Variants in ARHGEF10L observed in about 807,000 individuals in gnomAD.
ARHGEF10L encodes rho guanine nucleotide exchange factor 10-like protein.
Under a neutral mutation model 141.2 loss-of-function variants are expected in ARHGEF10L, and 69 were observed. The observed-to-expected ratio is 0.49, with a 90% CI of 0.40 to 0.60. The LOEUF is 0.60. Ranked by LOEUF, ARHGEF10L falls within the 20% of genes least tolerant of loss-of-function variation. ARHGEF10L has a pLI of 0.00. For synonymous variants in ARHGEF10L, 711 were observed against 718.5 expected, an observed-to-expected ratio of 0.99 and a Z score of 0.17; for missense variants, 1,482 against 1,734.3, an observed-to-expected ratio of 0.85 and a Z score of 2.58.
At chr1:17,618,496 C>T in intron 9 of ARHGEF10L, 2 of 1,455,944 alleles carry the variant, frequency 1.4e-6, no homozygotes, top group Non-Finnish European at 1.8e-6. Flanking sequence ...TGTCCCTCCT[C>T]CTCCTCCTCC....
intron 27 of ARHGEF10L, chr1:17,691,072 T>G: frequency 2.2e-6 from 1 of 449,066 alleles, no homozygotes; most frequent in Non-Finnish European, 4.4e-6. Flanking sequence ...CATACTCGAC[T>G]GGTATTAATG....
chr1:17,582,661 G>A lies in ARHGEF10L; in HGVS notation c.37+2029G>A, dbSNP rs75202931. 5.5e-3 allele frequency among the ~76,000 whole-genome samples: 844 copies of A among 152,312 alleles called. 6 individuals carry two copies. The highest frequency in any genetic ancestry group is 0.019 in the African/African-American group (804 of 41,578). ...GCCTTTTCTCATCCTTTAAGGCTCA[G>A]TGCGAGGGCAGCCTCATCCTCGGAG... On this transcript the variant is annotated intron_variant, in intron 2 of 28. Coordinates refer to ENST00000361221, the MANE Select transcript of ARHGEF10L (RefSeq NM_018125.4).
At chr1:17,610,409 G>A (rs1316798203) in intron 7 of ARHGEF10L, among the ~76,000 whole-genome samples, 5 of 152,200 alleles carry the variant, frequency 3.3e-5, no homozygotes, top group African/African-American at 1.2e-4. Context: ...TTCCTCAGCA[G>A]AAAAACTATG....
chr1:17,618,258 C>T, intron 9 of ARHGEF10L: 2 of 1,185,206 alleles, frequency 1.7e-6, no homozygotes, highest in Admixed American at 5.7e-5. Context: ...CCTCAGCCCT[C>T]CCCACCCCGC....
intron 11 of ARHGEF10L, 136 bp downstream of exon 11, chr1:17,622,077 G>T: frequency 2.4e-6 from 2 of 821,462 alleles, no homozygotes; most frequent in South Asian, 1.6e-5. Context: ...GCTTTATGGG[G>T]ACAGTAGAAC....
At chr1:17,695,410 A>T in intron 28 of ARHGEF10L, 130 bp downstream of exon 28, 2 of 1,294,588 alleles carry the variant, frequency 1.5e-6, no homozygotes, top group Middle Eastern at 2.8e-4. Context: ...GCTTCCTCTC[A>T]TCTCAGGTGG....
chr1:17,647,283 C>T (rs2061661163), intron 21 of ARHGEF10L, among the ~76,000 whole-genome samples: 1 of 152,160 alleles, frequency 6.6e-6, no homozygotes, highest in Admixed American at 6.5e-5. Context: ...TCCCTGAGTG[C>T]CAGTGTCATC....
chr1:17,588,750 A>G (rs1340086450), intron 4 of ARHGEF10L, among the ~76,000 whole-genome samples: 1 of 151,362 alleles, frequency 6.6e-6, no homozygotes, highest in African/African-American at 2.4e-5. Context: ...AGTCACAGAA[A>G]CTCTCCAAGT....
chr1:17,574,796 G>A (rs1452076593), intron 1 of ARHGEF10L, among the ~76,000 whole-genome samples: 2 of 152,224 alleles, frequency 1.3e-5, no homozygotes, highest in Non-Finnish European at 2.9e-5. Context: ...TGCCCTGCGT[G>A]GGGGAGCCGT....
At chr1:17,530,044 G>T in the ARHGEF10L span, among the ~76,000 whole-genome samples, 2 of 152,020 alleles carry the variant, frequency 1.3e-5, no homozygotes, top group African/African-American at 2.4e-5. Context: ...TGTTGGCCAG[G>T]CTGGTCTTGA....
At position 17,654,219 on chromosome 1, in the gene ARHGEF10L, A is replaced by C. The variant is rs2062096183; in HGVS notation, c.2395-417A>C. On this transcript the variant is annotated intron_variant, in intron 22 of 28. Coordinates refer to ENST00000361221, the MANE Select transcript of ARHGEF10L (RefSeq NM_018125.4). The surrounding 1 kb of genome is among the most constrained non-coding windows in gnomAD (Gnocchi z 4.3). ...TACTGGTGACAGCGGTGACAGGCTG[A>C]GCCCTGGTTTCTGTGCGTGGCCCTC... Among the ~76,000 whole-genome samples, 1 of 152,158 alleles carries C rather than the reference A, an allele frequency of 6.6e-6. No individual in the cohort carries two copies. Among genetic ancestry groups the C allele is most frequent in the Non-Finnish European group, 1.5e-5 (1 of 68,016 alleles).
intron 8 of ARHGEF10L, among the ~76,000 whole-genome samples, chr1:17,613,869 C>T (rs2059668152): frequency 6.6e-6 from 1 of 152,234 alleles, no homozygotes; most frequent in African/African-American, 2.4e-5. Context: ...CTCTCTGAGC[C>T]TCGGTTTCCC....
intron 25 of ARHGEF10L, among the ~76,000 whole-genome samples, chr1:17,663,180 G>T (rs2062741344): frequency 6.6e-6 from 1 of 152,202 alleles, no homozygotes; most frequent in Non-Finnish European, 1.5e-5. Context: ...CCCAGGGGAG[G>T]GGAGGACCTT....
At chr1:17,538,384 G>A (rs1010307861), upstream of ARHGEF10L, among the ~76,000 whole-genome samples, 10 of 152,318 alleles carry the variant, frequency 6.6e-5, no homozygotes, top group African/African-American at 2.4e-4. Flanking sequence ...CTGGAACAGA[G>A]CAAAAATGCT....
At chr1:17,682,324 T>C (rs2064186132) in intron 26 of ARHGEF10L, among the ~76,000 whole-genome samples, 2 of 152,164 alleles carry the variant, frequency 1.3e-5, no homozygotes, top group Non-Finnish European at 2.9e-5. Context: ...CGGACTCTCT[T>C]CTCTCTGTGC....
Position 17,623,453 on chromosome 1 carries a change from T to C in ARHGEF10L, c.1200+278T>C, listed in dbSNP as rs994642757. Among the ~76,000 whole-genome samples the C allele has an allele frequency of 1.3e-5, 2 of 152,114 alleles. No individual in the cohort carries two copies. The highest frequency in any genetic ancestry group is 4.8e-5 in the African/African-American group (2 of 41,420). Reference sequence around the variant, plus strand: ...GTGGCAGCACCCCCTGGCCTCCCAGTCACTGTGGGCAGCCACCTGGCCGGT... The same window carrying C: ...GTGGCAGCACCCCCTGGCCTCCCAGCCACTGTGGGCAGCCACCTGGCCGGT... On this transcript the variant is annotated intron_variant, in intron 12 of 28. Transcript: ENST00000361221. This position sits in a 1 kb window ranked among gnomAD's most constrained non-coding sequence, Gnocchi z 4.7.
chr1:17,633,579 T>C (rs1001594910), intron 16 of ARHGEF10L, among the ~76,000 whole-genome samples: 6 of 152,180 alleles, frequency 3.9e-5, no homozygotes, highest in African/African-American at 1.4e-4. Flanking sequence ...CTCAAACTCC[T>C]GACCTCAGGT....
chr1:17,532,180 C>A, the ARHGEF10L span, among the ~76,000 whole-genome samples: 1 of 152,158 alleles, frequency 6.6e-6, no homozygotes, highest in African/African-American at 2.4e-5. Context: ...CAGCAGCCAC[C>A]GACACATCCC....
chr1:17,546,743 G>GGTTT (rs1477389186), intron 1 of ARHGEF10L, among the ~76,000 whole-genome samples: 3 of 152,128 alleles, frequency 2.0e-5, no homozygotes, highest in African/African-American at 7.2e-5. Flanking sequence ...GTCATAGCTG[G>GGTTT]GTTTGTTACC....
Sources: gnomAD v4.1 joint callset for allele counts (sites outside exome capture counted in the v4.1 genomes callset) on GRCh38, gnomAD v4.1.1 for gene constraint, Gnocchi (gnomAD v3.1) non-coding constraint, MANE v1.5 for transcripts, NCBI Gene and HGNC (gene_info 2026-07-23, HGNC 2026-07-21) for gene names.